Variants in TRAM1 observed in about 807,000 individuals in gnomAD.
TRAM1 encodes the protein translocation associated membrane protein 1, also known as translocating chain-associated membrane protein 1.
A neutral mutation model predicts 48.7 loss-of-function variants in TRAM1; 17 were observed. The ratio of observed to expected loss-of-function variants is 0.35; its 90% CI spans 0.24 to 0.52. The LOEUF (loss-of-function observed/expected upper bound fraction) is 0.52. TRAM1 is among the 20% of genes least tolerant of loss of function. The pLI is 0.94. For synonymous variants in TRAM1, 182 were observed against 154.0 expected (o/e 1.18, Z -1.34); for missense variants, 351 against 441.5 (o/e 0.79, Z 1.84).
chr8:70,606,162 T>TCAA (rs569649980), intron 1 of TRAM1, among the ~76,000 whole-genome samples: 99 of 152,330 alleles, frequency 6.5e-4, no homozygotes, highest in African/African-American at 2.3e-3. Context: ...CATGCAAGTA[T>TCAA]CAAATTCAGA....
chr8:70,586,346 A>C (rs1319623429), intron 8 of TRAM1, among the ~76,000 whole-genome samples: 3 of 151,214 alleles, frequency 2.0e-5, no homozygotes, highest in Non-Finnish European at 4.4e-5. Flanking sequence ...TGGGTGCAGC[A>C]CACCAACATG....
In TRAM1 at chr8:70,597,923, C is replaced by G. The variant is rs1022208520; in HGVS notation, c.398G>C (p.Cys133Ser). The change falls in exon 4 of 11, where the codon TGT becomes TCT. Residue 133 changes from cysteine to serine, a missense_variant. Physicochemically the swap from Cys to Ser is moderately radical, Grantham distance 112 (BLOSUM62 -1). Coordinates refer to ENST00000262213, the MANE Select transcript of TRAM1 (RefSeq NM_014294.6). ...GQLSAFYLFACVWGTFILISE... is the reference protein window; with the variant it reads ...GQLSAFYLFASVWGTFILISE... ...GATGAGAATGAATGTGCCCCAAACA[C>G]AGGCAAAAAGGTAGAACGCACTAAG... is the stretch of plus-strand genomic sequence containing the variant. 2 of 1,599,904 alleles carry G rather than the reference C, an allele frequency of 1.3e-6. No homozygotes were observed. Among genetic ancestry groups the G allele is most frequent in the Non-Finnish European group, 1.7e-6 (2 of 1,171,674 alleles).
chr8:70,606,907 G>A, intron 1 of TRAM1: 1 of 984,444 alleles, frequency 1.0e-6, no homozygotes. Context: ...CATTCCATTA[G>A]GTTTTCTCAA....
At chr8:70,588,014 C>T (rs268620) in intron 6 of TRAM1, among the ~76,000 whole-genome samples, 139,623 of 152,172 alleles carry the variant, frequency 0.92, 64,604 homozygotes, top group African/African-American at 0.97. Context: ...GCCAGGAGTT[C>T]GAGATCAACC....
At position 70,585,987 on chromosome 8, in the gene TRAM1, G is replaced by A. The variant is rs534671643; in HGVS notation, c.746+908C>T. Among the ~76,000 whole-genome samples the A allele has an allele frequency of 5.5e-3, 831 of 150,392 alleles. 11 individuals carry two copies. Among genetic ancestry groups the A allele is most frequent in the African/African-American group, 0.019 (774 of 40,964 alleles). On this transcript the variant is annotated intron_variant, in intron 8 of 10. Transcript: ENST00000262213. Reference sequence around the variant, plus strand: ...ACACATGCACACGTATGTTTATTGCGGCACTATTCACAATAGCAAAGACTT... The same window carrying A: ...ACACATGCACACGTATGTTTATTGCAGCACTATTCACAATAGCAAAGACTT...
intron 1 of TRAM1, chr8:70,606,789 G>T: frequency 3.0e-6 from 2 of 662,306 alleles, no homozygotes; most frequent in South Asian, 6.7e-5. Flanking sequence ...CCCATTTGAT[G>T]AGAGGCGAAA....
rs117085832 is a variant in TRAM1, at chr8:70,605,370, T to C, written c.123+2707A>G. Among the ~76,000 whole-genome samples, 5 of 152,318 alleles carry C rather than the reference T, an allele frequency of 3.3e-5. No individual in the cohort carries two copies. In the South Asian group the frequency reaches 6.2e-4, roughly 19 times the overall value. On this transcript the variant is annotated intron_variant, in intron 1 of 10. Coordinates refer to ENST00000262213, the MANE Select transcript of TRAM1 (RefSeq NM_014294.6). Reference sequence around the variant, plus strand: ...AAGCTGCAGAGCCCTAACTTGAACATGAATCCCTTCAGCTCCAGAATCCAT... The same window carrying C: ...AAGCTGCAGAGCCCTAACTTGAACACGAATCCCTTCAGCTCCAGAATCCAT...
chr8:70,596,190 C>T, intron 5 of TRAM1, 73 bp downstream of exon 5: 1 of 1,256,412 alleles, frequency 8.0e-7, no homozygotes, highest in Non-Finnish European at 1.1e-6. Flanking sequence ...AAGAGAATAA[C>T]AAGAATGAAT....
intron 6 of TRAM1, 25 bp downstream of exon 6, chr8:70,594,481 T>C: frequency 6.4e-7 from 1 of 1,565,180 alleles, no homozygotes; most frequent in African/African-American, 1.4e-5. Flanking sequence ...AAGACATTTT[T>C]TAACACTACA....
intron 10 of TRAM1, among the ~76,000 whole-genome samples, chr8:70,577,043 A>G (rs1209790076): frequency 1.3e-5 from 2 of 152,070 alleles, no homozygotes; most frequent in Non-Finnish European, 2.9e-5. Context: ...CAACGTGGCG[A>G]GCAGGGGGAC....
At chr8:70,581,945 G>A (rs1025718668) in intron 10 of TRAM1, among the ~76,000 whole-genome samples, 3 of 152,152 alleles carry the variant, frequency 2.0e-5, no homozygotes, top group South Asian at 2.1e-4. Context: ...AGAGGGTGCC[G>A]GAGCAGAATG....
rs138103396 is a variant in TRAM1, at chr8:70,604,930, T to C, written c.123+3147A>G. Among the ~76,000 whole-genome samples, 1,274 of 152,324 alleles carry C rather than the reference T, an allele frequency of 8.4e-3. 18 individuals carry two copies. Among genetic ancestry groups the C allele is most frequent in the African/African-American group, 0.029 (1,207 of 41,560 alleles). ...CATTCAATTTTTCCTAACTCAAATA[T>C]GAAGCCATTCATTGTATACTATGAT... On this transcript the variant is annotated intron_variant, in intron 1 of 10. Coordinates refer to ENST00000262213, the MANE Select transcript of TRAM1 (RefSeq NM_014294.6).
At chr8:70,607,816 A>G in intron 1 of TRAM1, 1 of 288,134 alleles carries the variant, frequency 3.5e-6, no homozygotes, top group Non-Finnish European at 6.3e-6. Context: ...GCGGGTCAGG[A>G]AGGGGGCGAC....
intron 8 of TRAM1, among the ~76,000 whole-genome samples, chr8:70,586,076 T>C (rs1038944199): frequency 6.6e-6 from 1 of 151,382 alleles, no homozygotes; most frequent in Non-Finnish European, 1.5e-5. Flanking sequence ...ATATACACCA[T>C]GGAATACTAT....
At chr8:70,595,342 T>C (rs1023157270) in intron 5 of TRAM1, among the ~76,000 whole-genome samples, 2 of 152,012 alleles carry the variant, frequency 1.3e-5, no homozygotes, top group African/African-American at 2.4e-5. Flanking sequence ...CCCACATAAA[T>C]ATAATATTTA....
At chr8:70,592,533 A>G (rs927232570) in intron 6 of TRAM1, among the ~76,000 whole-genome samples, 10 of 152,228 alleles carry the variant, frequency 6.6e-5, no homozygotes, top group African/African-American at 2.4e-4. Context: ...ATTATTCCAT[A>G]AAAATTAGAC....
intron 6 of TRAM1, among the ~76,000 whole-genome samples, chr8:70,588,626 T>C (rs1180324306): frequency 2.6e-5 from 4 of 152,066 alleles, no homozygotes; most frequent in African/African-American, 9.7e-5. Context: ...CTAGAGTATA[T>C]AGCACATTGT....
Position 70,583,013 on chromosome 8 carries a change from T to A in TRAM1, c.1051+151A>T, listed in dbSNP as rs534367731. The A allele has an allele frequency of 1.1e-5, 9 of 810,074 alleles. No individual in the cohort carries two copies. The East Asian group carries it at 1.4e-4, about 12-fold the overall frequency. 50.2% of individuals were successfully genotyped at this position (810,074 alleles called of 1,614,324 possible). On this transcript the variant is annotated intron_variant, in intron 10 of 10. Coordinates refer to ENST00000262213, the MANE Select transcript of TRAM1 (RefSeq NM_014294.6). Reference sequence around the variant, plus strand: ...CCCAAGGGATCACCCAATTGTGGAATGCAGTAAGATTACTTTGCCTCTAAT... The same window carrying A: ...CCCAAGGGATCACCCAATTGTGGAAAGCAGTAAGATTACTTTGCCTCTAAT...
At chr8:70,606,574 T>C (rs1281890927) in intron 1 of TRAM1, among the ~76,000 whole-genome samples, 2 of 152,224 alleles carry the variant, frequency 1.3e-5, no homozygotes, top group African/African-American at 2.4e-5. Flanking sequence ...GTACAGGTGA[T>C]ATTATTTCCT....
Sources: gnomAD v4.1 joint callset for allele counts (sites outside exome capture counted in the v4.1 genomes callset) on GRCh38, gnomAD v4.1.1 for gene constraint, MANE v1.5 for transcripts, NCBI Gene and HGNC (gene_info 2026-07-23, HGNC 2026-07-21) for gene names.